The following SLC38A9 variants were observed in gnomAD, a reference collection of about 807,000 sequenced individuals.
SLC38A9 encodes the protein neutral amino acid transporter 9.
A neutral mutation model predicts 62.3 loss-of-function variants in SLC38A9; 48 were observed. The observed-to-expected ratio is 0.77, with a 90% CI of 0.61 to 0.98. SLC38A9 has a LOEUF of 0.98. Ranked by LOEUF, SLC38A9 falls within the 50% of genes least tolerant of loss-of-function variation. The pLI, the probability that SLC38A9 is intolerant of heterozygous loss-of-function variation, is 0.00. For synonymous variants in SLC38A9, 204 were observed against 227.7 expected (o/e 0.90, Z 0.94); for missense variants, 541 against 679.8 (o/e 0.80, Z 2.27).
intron 2 of SLC38A9, among the ~76,000 whole-genome samples, chr5:55,700,178 T>C (rs1756456450): frequency 6.6e-6 from 1 of 151,812 alleles, no homozygotes; most frequent in Non-Finnish European, 1.5e-5. Context: ...CCGTCTCTAC[T>C]AAAAACATAA....
At chr5:55,686,188 T>G (rs530179339) in intron 3 of SLC38A9, among the ~76,000 whole-genome samples, 2 of 152,336 alleles carry the variant, frequency 1.3e-5, no homozygotes, top group African/African-American at 4.8e-5. Context: ...TTTAAGTCTT[T>G]GAGGAATCAC....
At chr5:55,638,662 T>A (rs1173640138) in intron 12 of SLC38A9, among the ~76,000 whole-genome samples, 1 of 152,174 alleles carries the variant, frequency 6.6e-6, no homozygotes, top group Non-Finnish European at 1.5e-5. Flanking sequence ...GTGGAGCATT[T>A]ACTAACAAAA....
rs773927493 is a variant in SLC38A9 at position 55,626,547 on chromosome 5, C to T, written c.1633G>A (p.Val545Ile). Residue 545 changes from valine to isoleucine, a missense_variant, in exon 16 of 16, where the codon GTT becomes ATT. Coordinates refer to ENST00000396865, the MANE Select transcript of SLC38A9 (RefSeq NM_173514.4). ...GCCACGCCCAAAATGATGATGAAAA[C>T]GTGGAAGATTAATTTAGGCCATGTC... The part of the protein sequence containing the change: ...RLTWPKLIFH[V>I]FIIILGVANL... The T allele has an allele frequency of 1.2e-5, 19 of 1,611,198 alleles. No individual in the cohort carries two copies. The highest frequency in any genetic ancestry group is 1.7e-4 in the Middle Eastern group (1 of 6,058).
intron 14 of SLC38A9, among the ~76,000 whole-genome samples, chr5:55,629,545 G>T (rs1302534918): frequency 6.6e-6 from 1 of 152,214 alleles, no homozygotes; most frequent in African/African-American, 2.4e-5. Flanking sequence ...GCGTACTGCA[G>T]TACAGTACGC....
At chr5:55,673,563 C>A (rs927959845) in intron 3 of SLC38A9, 4 of 152,188 alleles carry the variant, frequency 2.6e-5, no homozygotes, top group African/African-American at 9.6e-5. Context: ...ACATAATTTG[C>A]CATTTCAGGC....
intron 6 of SLC38A9, 82 bp downstream of exon 6, chr5:55,669,475 T>C: frequency 7.2e-7 from 1 of 1,395,326 alleles, no homozygotes; most frequent in Non-Finnish European, 9.9e-7. Flanking sequence ...TTTATGTAGA[T>C]TTATTAAAAC....
intron 10 of SLC38A9, among the ~76,000 whole-genome samples, chr5:55,651,077 C>T (rs11742207): frequency 0.59 from 89,450 of 150,904 alleles, 27,122 homozygotes; most frequent in South Asian, 0.7. Context: ...AGGCGTGAGC[C>T]ACCGCACCCA....
chr5:55,674,601 C>T (rs1023759435), intron 3 of SLC38A9, among the ~76,000 whole-genome samples: 16 of 152,156 alleles, frequency 1.1e-4, no homozygotes, highest in African/African-American at 3.9e-4. Context: ...CTTGGACTTC[C>T]CAGTCTCCAC....
chr5:55,678,791 G>A (rs903002625), intron 3 of SLC38A9, among the ~76,000 whole-genome samples: 1 of 151,320 alleles, frequency 6.6e-6, no homozygotes, highest in Non-Finnish European at 1.5e-5. Context: ...CTCCCGAGTA[G>A]CTGGGACTAC....
At chr5:55,650,380 G>A (rs962763770) in intron 10 of SLC38A9, among the ~76,000 whole-genome samples, 1 of 152,198 alleles carries the variant, frequency 6.6e-6, no homozygotes, top group Non-Finnish European at 1.5e-5. Context: ...TTAAGAGAAA[G>A]GGAAAGTACC....
chr5:55,656,718 G>A lies in SLC38A9; in HGVS notation c.754C>T (p.Pro252Ser). ...AACAACATCCCAAACTACTTACCAG[G>A]GTTGCTATTATTGGTACTCAGTATA... ...DTILSTNNSNPVICPSAGSGG... is the reference protein window; with the variant it reads ...DTILSTNNSNSVICPSAGSGG... The change falls in exon 9 of 16, where the codon CCT becomes TCT. Residue 252 changes from proline to serine, a missense_variant. Transcript: ENST00000396865. 1.3e-6 allele frequency: 2 copies of A among 1,595,918 alleles called. No homozygotes were observed. Among genetic ancestry groups the A allele is most frequent in the African/African-American group, 1.3e-5 (1 of 74,404 alleles).
At chr5:55,635,823 A>G (rs1050032923) in intron 12 of SLC38A9, among the ~76,000 whole-genome samples, 166 bp from the exon 13 acceptor site, 1 of 152,230 alleles carries the variant, frequency 6.6e-6, no homozygotes, top group African/African-American at 2.4e-5. Flanking sequence ...TAGTTAAAAC[A>G]AAATCCACAC....
chr5:55,678,255 A>C (rs1752479901), intron 3 of SLC38A9, among the ~76,000 whole-genome samples: 1 of 150,090 alleles, frequency 6.7e-6, no homozygotes, highest in Non-Finnish European at 1.5e-5. Flanking sequence ...CTCCTGTCTC[A>C]GTCTCCTGAG....
chr5:55,708,451 G>A (rs7702713), intron 2 of SLC38A9, among the ~76,000 whole-genome samples: 147 of 152,302 alleles, frequency 9.7e-4, no homozygotes, highest in African/African-American at 3.1e-3. Context: ...GATTATTGGC[G>A]TATCTCAAAG....
At chr5:55,648,685 A>C (rs758987912) in intron 11 of SLC38A9, among the ~76,000 whole-genome samples, 1 of 152,224 alleles carries the variant, frequency 6.6e-6, no homozygotes, top group Non-Finnish European at 1.5e-5. Context: ...ATGGCCAACA[A>C]ACATATGAAA....
At chr5:55,672,251 T>G (rs1263421051) in intron 4 of SLC38A9, among the ~76,000 whole-genome samples, 2 of 152,194 alleles carry the variant, frequency 1.3e-5, no homozygotes, top group Admixed American at 6.5e-5. Flanking sequence ...TATTTGCTAT[T>G]AGTCAATGGC....
rs185900511 is a variant in SLC38A9, at chr5:55,684,289, T to C, written c.114-11594A>G. On this transcript the variant is annotated intron_variant, in intron 3 of 15. Transcript: ENST00000396865. The stretch of plus-strand genomic sequence containing the variant: ...CCAATCATCTTGTCCTGGCTTCTCT[T>C]ACACTTGGCTAGTTTTTAGCAAGTT... 1.0e-3 allele frequency among the ~76,000 whole-genome samples: 154 copies of C among 152,334 alleles called. 1 individual carries two copies. The highest frequency in any genetic ancestry group is 1.7e-3 in the Non-Finnish European group (116 of 68,024).
chr5:55,652,324 T>A (rs1294476750), intron 10 of SLC38A9, among the ~76,000 whole-genome samples: 5 of 113,912 alleles, frequency 4.4e-5, no homozygotes, highest in Non-Finnish European at 8.2e-5. Context: ...GCCATTGCAC[T>A]CCACCCTGGG....
intron 14 of SLC38A9, among the ~76,000 whole-genome samples, chr5:55,628,741 C>T (rs1049410844): frequency 3.3e-5 from 5 of 152,166 alleles, no homozygotes; most frequent in Non-Finnish European, 7.4e-5. Flanking sequence ...AAGCTACTCA[C>T]TACCATGAAG....
Sources: allele counts gnomAD v4.1 joint callset (sites outside exome capture counted in the v4.1 genomes callset), GRCh38; gene constraint gnomAD v4.1.1; transcripts MANE v1.5; gene names NCBI Gene and HGNC (gene_info 2026-07-23, HGNC 2026-07-21).